The following TFDP1 variants were observed in gnomAD, a reference collection of about 807,000 sequenced individuals.
TFDP1 encodes transcription factor Dp-1, also known as DRTF1-polypeptide 1.
Under a neutral mutation model 48.0 loss-of-function variants are expected in TFDP1, and 6 were observed. The observed-to-expected ratio is 0.13, with a 90% CI of 0.07 to 0.25. The LOEUF (loss-of-function observed/expected upper bound fraction) is 0.25. Ranked by LOEUF, TFDP1 falls within the 10% of genes least tolerant of loss-of-function variation. The pLI is 1.00. For synonymous variants in TFDP1, 201 were observed against 211.6 expected (o/e 0.95, Z 0.44); for missense variants, 335 against 543.0 (o/e 0.62, Z 3.81).
At chr13:113,610,960 C>T (rs2048695239) in intron 2 of TFDP1, 36 bp from the exon 3 acceptor site, 1 of 1,602,088 alleles carries the variant, frequency 6.2e-7, no homozygotes, top group African/African-American at 1.3e-5. Flanking sequence ...GCCCTTTTAG[C>T]TGTCATATTT....
In TFDP1 at chr13:113,623,807, C is replaced by T. The variant is rs979815103; in HGVS notation, c.186+521C>T. On this transcript the variant is annotated intron_variant, in intron 4 of 11. Coordinates refer to ENST00000375370, the MANE Select transcript of TFDP1 (RefSeq NM_007111.5). The surrounding 1 kb of genome is among the most constrained non-coding windows in gnomAD (Gnocchi z 5.2). ...GGAAGGTGGGCATTGGGAAGTGGCG[C>T]ATCCCCCCTCCCCAGGCTGATGCTG... Among the ~76,000 whole-genome samples the T allele has an allele frequency of 3.9e-5, 6 of 152,168 alleles. No individual in the cohort carries two copies. Among genetic ancestry groups the T allele is most frequent in the African/African-American group, 1.2e-4 (5 of 41,440 alleles).
intron 7 of TFDP1, 135 bp downstream of exon 7, chr13:113,634,168 CGTCTCCCTG>C: frequency 8.2e-7 from 1 of 1,222,968 alleles, no homozygotes; most frequent in South Asian, 1.2e-5. Context: ...GTCATGCAGA[CGTCTCCCTG>C]CGTTTCTCAG....
Position 113,613,682 on chromosome 13 carries a change from AGTGTGTGT to A in TFDP1, c.79+2625_79+2632del, listed in dbSNP as rs755151778. 2.4e-4 allele frequency among the ~76,000 whole-genome samples: 30 copies of A among 125,786 alleles called. No individual in the cohort carries two copies. In the East Asian group the frequency reaches 7.7e-3, roughly 32 times the overall value. The allele number at this position is 125,786 out of a possible 152,430, so 82.5% of individuals were successfully genotyped here. A position where few individuals can be genotyped will look rare whatever the true frequency, so the allele number is the denominator to read the frequency against. ...GTGGGTATGAGTGTGTGTGTGCATG[AGTGTGTGT>A]GTGTATGCGTGAATGCGTGGGTATG... is the stretch of plus-strand genomic sequence containing the variant. On this transcript the variant is annotated intron_variant, in intron 3 of 11. Coordinates refer to ENST00000375370, the MANE Select transcript of TFDP1 (RefSeq NM_007111.5).
At position 113,633,559 on chromosome 13, in the gene TFDP1, C is replaced by A. The variant is rs765366958; in HGVS notation, c.474+274C>A. ...TACAGCATAAAAGAATTTTTCCGAT[C>A]CATTTGCTGGCACGATGCTTTGTCA... On this transcript the variant is annotated intron_variant, in intron 6 of 11. Transcript: ENST00000375370. This position sits in a 1 kb window ranked among gnomAD's most constrained non-coding sequence, Gnocchi z 4.5. Among the ~76,000 whole-genome samples the A allele has an allele frequency of 6.6e-6, 1 of 152,188 alleles. No homozygotes were observed. The highest frequency in any genetic ancestry group is 1.5e-5 in the Non-Finnish European group (1 of 68,038).
Position 113,633,032 on chromosome 13 carries a change from T to G in TFDP1, c.309-88T>G. On this transcript the variant is annotated intron_variant, in intron 5 of 11. Transcript: ENST00000375370. The surrounding 1 kb of genome is among the most constrained non-coding windows in gnomAD (Gnocchi z 4.5). ...ACGTGGCCCCTTTTTGTGCAGCTCA[T>G]TAGAGCTCTCAGGTAAAAGCATTCC... 1.9e-6 allele frequency: 3 copies of G among 1,539,066 alleles called. No individual in the cohort carries two copies. The highest frequency in any genetic ancestry group is 2.7e-6 in the Non-Finnish European group (3 of 1,128,972).
At chr13:113,625,229 A>G (rs1176722226) in intron 4 of TFDP1, among the ~76,000 whole-genome samples, 1 of 113,982 alleles carries the variant, frequency 8.8e-6, no homozygotes, top group East Asian at 2.8e-4. Context: ...GGTGTCTCTC[A>G]CATGTCCCCA....
intron 11 of TFDP1, 50 bp from the exon 12 acceptor site, chr13:113,640,070 G>T (rs542976341): frequency 7.1e-7 from 1 of 1,403,668 alleles, no homozygotes. Flanking sequence ...GCGGGGGGAG[G>T]CTGGGTGGGC....
intron 2 of TFDP1, among the ~76,000 whole-genome samples, chr13:113,604,917 G>T (rs1250276418): frequency 6.6e-6 from 1 of 152,228 alleles, no homozygotes; most frequent in Non-Finnish European, 1.5e-5. Context: ...TGGAGCCCAT[G>T]TGAGGAGGTT....
intron 3 of TFDP1, among the ~76,000 whole-genome samples, chr13:113,620,905 G>A (rs1312951994): frequency 6.6e-6 from 1 of 152,180 alleles, no homozygotes; most frequent in East Asian, 1.9e-4. Flanking sequence ...TGAATCAAAA[G>A]GCAAATGTCT....
chr13:113,601,231 C>T (rs2048417233), intron 2 of TFDP1, among the ~76,000 whole-genome samples: 1 of 152,242 alleles, frequency 6.6e-6, no homozygotes, highest in African/African-American at 2.4e-5. Flanking sequence ...CGTCTGTCAC[C>T]TCCTAGTGCC....
chr13:113,593,604 C>G lies in TFDP1; in HGVS notation c.12+7755C>G, dbSNP rs1400370154. Among the ~76,000 whole-genome samples, 10 of 124,316 alleles carry G rather than the reference C, an allele frequency of 8.0e-5. No homozygotes were observed. In the East Asian group the frequency reaches 2.5e-3, roughly 31 times the overall value. The allele number at this position is 124,316 out of a possible 152,430, so 81.6% of individuals were successfully genotyped here. ...CAGGTGTGCTGTGTGTGGGTCCTCA[C>G]CCTGCCCAGGTGACAGTTGTGCTGT... On this transcript the variant is annotated intron_variant, in intron 2 of 11. Transcript: ENST00000375370.
intron 4 of TFDP1, among the ~76,000 whole-genome samples, chr13:113,631,271 G>C (rs371791558): frequency 7.2e-5 from 11 of 152,284 alleles, no homozygotes; most frequent in African/African-American, 2.6e-4. Context: ...ATTCTGTGCC[G>C]CCCCCTTCAT....
intron 2 of TFDP1, among the ~76,000 whole-genome samples, chr13:113,610,107 A>G (rs1057374753): frequency 1.3e-5 from 2 of 152,204 alleles, no homozygotes; most frequent in Admixed American, 6.5e-5. Context: ...CTGTACCATT[A>G]CGCGTGTGCT....
chr13:113,616,600 G>A (rs936841813), intron 3 of TFDP1, among the ~76,000 whole-genome samples: 1 of 152,166 alleles, frequency 6.6e-6, no homozygotes, highest in Non-Finnish European at 1.5e-5. Context: ...TCCCTTTGTT[G>A]TGTCTTTACT....
chr13:113,591,341 CAA>C (rs745915921), intron 2 of TFDP1, among the ~76,000 whole-genome samples: 19 of 66,092 alleles, frequency 2.9e-4, no homozygotes, highest in Admixed American at 3.4e-4. Flanking sequence ...GACTTCATCT[CAA>C]AAAAAAAAAA....
intron 2 of TFDP1, among the ~76,000 whole-genome samples, chr13:113,592,869 TGTG>T (rs1012722650): frequency 6.8e-6 from 1 of 147,924 alleles, no homozygotes; most frequent in African/African-American, 2.5e-5. Context: ...AAGAGACAGT[TGTG>T]GTGTGCACGG....
intron 3 of TFDP1, among the ~76,000 whole-genome samples, chr13:113,612,554 G>A (rs1346033243): frequency 2.6e-5 from 4 of 152,352 alleles, no homozygotes; most frequent in Admixed American, 6.5e-5. Flanking sequence ...AGTTGCAGGC[G>A]TGACATTTTC....
chr13:113,613,721 AGT>A (rs199851051), intron 3 of TFDP1, among the ~76,000 whole-genome samples: 42 of 110,034 alleles, frequency 3.8e-4, no homozygotes, highest in East Asian at 1.6e-3. Flanking sequence ...GTATGTGAGG[AGT>A]GTGTGCATGA....
chr13:113,616,198 G>A, intron 3 of TFDP1, among the ~76,000 whole-genome samples: 1 of 113,532 alleles, frequency 8.8e-6, no homozygotes. Flanking sequence ...GTGAGACTCT[G>A]TCTCCAAAAA....
Sources: gnomAD v4.1 joint callset for allele counts (sites outside exome capture counted in the v4.1 genomes callset) on GRCh38, gnomAD v4.1.1 for gene constraint, Gnocchi (gnomAD v3.1) non-coding constraint, MANE v1.5 for transcripts, NCBI Gene and HGNC (gene_info 2026-07-23, HGNC 2026-07-21) for gene names.